AKNAD1: variants seen among roughly 807,000 people sequenced by gnomAD.
AKNAD1 encodes AKNA domain containing 1, also known as protein AKNAD1.
Under a neutral mutation model 90.8 loss-of-function variants are expected in AKNAD1, and 67 were observed. The observed-to-expected ratio is 0.74, with a 90% CI of 0.61 to 0.90. The LOEUF (loss-of-function observed/expected upper bound fraction) is 0.90, where lower values mean the gene tolerates loss of function less well. Ranked by LOEUF, AKNAD1 falls within the 40% of genes least tolerant of loss-of-function variation. AKNAD1 has a pLI of 0.00. For missense variants in AKNAD1, 957 were observed against 975.4 expected, an observed-to-expected ratio of 0.98 and a Z score of 0.25; for synonymous variants, 327 against 341.4, an observed-to-expected ratio of 0.96 and a Z score of 0.46.
At chr1:108,829,761 A>G (rs1215752855) in intron 10 of AKNAD1, among the ~76,000 whole-genome samples, 1 of 152,204 alleles carries the variant, frequency 6.6e-6, no homozygotes, top group African/African-American at 2.4e-5. Flanking sequence ...TTACGTACAT[A>G]TAACAGTGGT....
In AKNAD1 at chr1:108,820,687, A is replaced by G. The variant is rs944240695; in HGVS notation, c.2168-61T>C. ...CAAAAATGAGCCCCAAATGGTGCCT[A>G]TGTATCATTCCTTGAACTTTTTGTA... is the stretch of plus-strand genomic sequence containing the variant. On this transcript the variant is annotated intron_variant, in intron 13 of 15. Transcript: ENST00000370001. The G allele has an allele frequency of 3.3e-6, 3 of 906,892 alleles. No individual in the cohort carries two copies. In the Admixed American group the frequency reaches 6.1e-5, roughly 19 times the overall value. 56.2% of individuals were successfully genotyped at this position (906,892 alleles called of 1,614,324 possible).
At chr1:108,819,868 C>T (rs1285055435) in intron 14 of AKNAD1, among the ~76,000 whole-genome samples, 1 of 146,730 alleles carries the variant, frequency 6.8e-6, no homozygotes, top group African/African-American at 2.5e-5. Context: ...TGCACTCCAT[C>T]CTGGGTGACA....
chr1:108,853,792 C>T (rs1260290490), intron 1 of AKNAD1, among the ~76,000 whole-genome samples: 2 of 151,994 alleles, frequency 1.3e-5, no homozygotes, highest in Non-Finnish European at 2.9e-5. Context: ...AAAAGTTAGT[C>T]AGGTGTAGTG....
chr1:108,821,226 A>C (rs1043967620), intron 13 of AKNAD1, among the ~76,000 whole-genome samples: 1 of 152,198 alleles, frequency 6.6e-6, no homozygotes, highest in African/African-American at 2.4e-5. Context: ...CGAGGTGGGC[A>C]CATCACCTGA....
At chr1:108,846,645 C>T (rs1664709824) in intron 5 of AKNAD1, among the ~76,000 whole-genome samples, 1 of 152,084 alleles carries the variant, frequency 6.6e-6, no homozygotes, top group Non-Finnish European at 1.5e-5. Flanking sequence ...CCATTTCCCT[C>T]GAGTCTCTCC....
In AKNAD1 at chr1:108,849,519, GT is replaced by G. The variant is rs778774876; in HGVS notation, c.1033+17del. The G allele has an allele frequency of 2.7e-6, 4 of 1,496,146 alleles. No homozygotes were observed. Among genetic ancestry groups the G allele is most frequent in the South Asian group, 1.1e-5 (1 of 88,624 alleles). 92.7% of individuals were successfully genotyped at this position (1,496,146 alleles called of 1,614,324 possible). ...AAACATATATATATATCTCAAAGAA[GT>G]TTTAAAACATTAGTACCTGTGAGAA... On this transcript the variant is annotated intron_variant, in intron 3 of 15. Transcript: ENST00000370001.
At chr1:108,819,630 A>C (rs369288229) in intron 14 of AKNAD1, among the ~76,000 whole-genome samples, 3 of 151,614 alleles carry the variant, frequency 2.0e-5, no homozygotes, top group African/African-American at 7.3e-5. Flanking sequence ...TTTTTTTTTA[A>C]CTTCACTGGG....
At position 108,817,072 on chromosome 1, in the gene AKNAD1, A is replaced by T; in HGVS notation, c.2355T>A (p.Asp785Glu). 6.2e-7 allele frequency: 1 copy of T among 1,614,144 alleles called. No individual in the cohort carries two copies. The highest frequency in any genetic ancestry group is 8.5e-7 in the Non-Finnish European group (1 of 1,180,002). ...CCTCAGATTTTATTTCTTCAGTGCT[A>T]TCAAAGTCACATAAGGATTTGCTTC... ...ISGSKSLCDFDSTEEIKSEIL... is the reference protein window; with the variant it reads ...ISGSKSLCDFESTEEIKSEIL... Residue 785 changes from aspartate (D) to glutamate (E), a missense_variant, in exon 15 of 16, where the codon GAT (aspartate) becomes GAA (glutamate). Coordinates refer to ENST00000370001, the MANE Select transcript of AKNAD1 (RefSeq NM_152763.5).
chr1:108,825,434 T>C (rs988506390), intron 11 of AKNAD1, among the ~76,000 whole-genome samples: 2 of 151,740 alleles, frequency 1.3e-5, no homozygotes, highest in Non-Finnish European at 2.9e-5. Flanking sequence ...CATTCCTGCA[T>C]TACAGGGATG....
In AKNAD1 at chr1:108,852,692, T is replaced by C; in HGVS notation, c.-28A>G. 1 of 1,532,568 alleles carries C rather than the reference T, an allele frequency of 6.5e-7. No individual in the cohort carries two copies. The highest frequency in any genetic ancestry group is 8.7e-7 in the Non-Finnish European group (1 of 1,145,682). The allele number at this position is 1,532,568 out of a possible 1,614,324, so 94.9% of individuals were successfully genotyped here. A position where few individuals can be genotyped will look rare whatever the true frequency, so the allele number is the denominator to read the frequency against. On this transcript the variant is annotated 5_prime_UTR_variant, in exon 2 of 16. Coordinates refer to ENST00000370001, the MANE Select transcript of AKNAD1 (RefSeq NM_152763.5). ...GTGTGCAGCCCGATCGCTCTCGTCC[T>C]CTGCCTCCTGAGCTGGCTGCTGTCA...
chr1:108,817,479 TTTC>T (rs1174360358), intron 14 of AKNAD1: 1 of 104,232 alleles, frequency 9.6e-6, no homozygotes, highest in African/African-American at 3.9e-5. Flanking sequence ...TGGGGCCAAC[TTTC>T]TTTTTTTTTT....
intron 7 of AKNAD1, among the ~76,000 whole-genome samples, chr1:108,835,519 G>T (rs576630959): frequency 5.9e-5 from 9 of 152,164 alleles, no homozygotes; most frequent in Non-Finnish European, 8.8e-5. Flanking sequence ...ACTAATAAGT[G>T]ACAGAGCCAG....
intron 1 of AKNAD1, among the ~76,000 whole-genome samples, chr1:108,853,335 A>G (rs540144291): frequency 5.0e-4 from 76 of 151,684 alleles, no homozygotes; most frequent in Middle Eastern, 6.8e-3. Context: ...GTTTCACCAT[A>G]TTAGCCAGGA....
chr1:108,823,316 A>T, intron 13 of AKNAD1, 54 bp downstream of exon 13: 1 of 1,324,328 alleles, frequency 7.6e-7, no homozygotes, highest in Non-Finnish European at 1.1e-6. Context: ...AATGTCCCAT[A>T]CCTGGGACAT....
intron 7 of AKNAD1, among the ~76,000 whole-genome samples, chr1:108,835,491 C>A (rs893495927): frequency 6.6e-6 from 1 of 152,144 alleles, no homozygotes; most frequent in African/African-American, 2.4e-5. Flanking sequence ...GGTTGCATAA[C>A]TTTCCTAAGA....
intron 13 of AKNAD1, 61 bp downstream of exon 13, chr1:108,823,309 G>A: frequency 7.7e-7 from 1 of 1,304,080 alleles, no homozygotes; most frequent in South Asian, 1.2e-5. Flanking sequence ...TCATGTGAAT[G>A]TCCCATACCT....
chr1:108,835,770 G>A (rs1476459547), intron 7 of AKNAD1, among the ~76,000 whole-genome samples: 3 of 151,840 alleles, frequency 2.0e-5, no homozygotes, highest in South Asian at 2.1e-4. Context: ...GATTACAGGC[G>A]CCCGCCACCA....
intron 15 of AKNAD1, 159 bp downstream of exon 15, chr1:108,816,889 G>A: frequency 2.6e-6 from 2 of 773,210 alleles, no homozygotes; most frequent in Non-Finnish European, 4.0e-6. Context: ...GACTGCTGAG[G>A]CTGTGTGTCT....
intron 13 of AKNAD1, 45 bp from the exon 14 acceptor site, chr1:108,820,671 G>T (rs760938504): frequency 8.8e-7 from 1 of 1,136,562 alleles, no homozygotes; most frequent in East Asian, 2.4e-5. Context: ...TCAAAAATGA[G>T]CCCCAAATGG....
Sources: allele counts gnomAD v4.1 joint callset (sites outside exome capture counted in the v4.1 genomes callset), GRCh38; gene constraint gnomAD v4.1.1; transcripts MANE v1.5; gene names NCBI Gene and HGNC (gene_info 2026-07-23, HGNC 2026-07-21).